USP44: variants seen among roughly 807,000 people sequenced by gnomAD.
USP44 encodes ubiquitin carboxyl-terminal hydrolase 44.
Under a neutral mutation model 69.0 loss-of-function variants are expected in USP44, and 61 were observed. That is an observed-to-expected ratio of 0.88 (90% confidence interval 0.72 to 1.09). USP44 has a LOEUF of 1.09. Among genes scored for constraint, USP44 ranks in the 50% least tolerant of loss-of-function variants. The probability of loss-of-function intolerance (pLI) is 0.00; values close to 1 mark genes in which losing one functional copy is unlikely to be tolerated. For synonymous variants in USP44, 297 were observed against 295.4 expected (o/e 1.01, Z -0.06); for missense variants, 753 against 849.9 (o/e 0.89, Z 1.42).
chr12:95,518,032 A>T lies in USP44; in HGVS notation c.*122T>A. 9.6e-7 allele frequency: 1 copy of T among 1,039,628 alleles called. No individual in the cohort carries two copies. Among genetic ancestry groups the T allele is most frequent in the South Asian group, 1.9e-5 (1 of 52,592 alleles). 64.4% of individuals were successfully genotyped at this position (1,039,628 alleles called of 1,614,324 possible). A position where few individuals can be genotyped will look rare whatever the true frequency, so the allele number is the denominator to read the frequency against. On this transcript the variant is annotated 3_prime_UTR_variant, in exon 6 of 6. Coordinates refer to ENST00000258499, the MANE Select transcript of USP44 (RefSeq NM_032147.5). The stretch of plus-strand genomic sequence containing the variant: ...ACTTTGTAAAAAAAAAAATTGTTAG[A>T]TATAAAATGTATAAATGTAGTATAC...
chr12:95,517,283 CTA>C lies in USP44; in HGVS notation c.*869_*870del, dbSNP rs902453181. ...CCTATAATTTTTTCTCTTCAAGACTCTATTCCTTTGAACTAAAAAAAATACAT... is the reference window on the plus strand; with the variant it reads ...CCTATAATTTTTTCTCTTCAAGACTCTTCCTTTGAACTAAAAAAAATACAT... On this transcript the variant is annotated 3_prime_UTR_variant, in exon 6 of 6. Transcript: ENST00000258499. The C allele has an allele frequency of 6.6e-5, 10 of 151,828 alleles. No homozygotes were observed. The highest frequency in any genetic ancestry group is 2.4e-4 in the African/African-American group (10 of 41,316). 9.4% of individuals were successfully genotyped at this position (151,828 alleles called of 1,614,324 possible). A position where few individuals can be genotyped will look rare whatever the true frequency, so the allele number is the denominator to read the frequency against.
rs1190222404 is a variant in USP44, at chr12:95,533,734, T to G, written c.523A>C (p.Lys175Gln). ...WFEQSPIGRK[K>Q]QEEPFQEKIV... ...TTTTCCTGAAATGGTTCTTCTTGCTTTTTTCTTCCAATGGGTGATTGTTCA... is the reference window on the plus strand; with the variant it reads ...TTTTCCTGAAATGGTTCTTCTTGCTGTTTTCTTCCAATGGGTGATTGTTCA... The change falls in exon 2 of 6, where the codon AAG becomes CAG. Residue 175 changes from lysine (K) to glutamine (Q), a missense_variant. Physicochemically the swap from Lys to Gln is moderately conservative, Grantham distance 53. Transcript: ENST00000258499. 6.2e-7 allele frequency: 1 copy of G among 1,614,074 alleles called. No individual in the cohort carries two copies. Among genetic ancestry groups the G allele is most frequent in the African/African-American group, 1.3e-5 (1 of 74,928 alleles).
chr12:95,528,130 C>T (rs1415735260), intron 3 of USP44, among the ~76,000 whole-genome samples: 7 of 152,220 alleles, frequency 4.6e-5, no homozygotes, highest in African/African-American at 1.7e-4. Context: ...TGAGCCACTG[C>T]ACCTGGCCGA....
At chr12:95,534,436 T>C in intron 1 of USP44, 110 bp from the exon 2 acceptor site, 1 of 591,542 alleles carries the variant, frequency 1.7e-6, no homozygotes, top group Non-Finnish European at 2.9e-6. Flanking sequence ...AGGCTGCTTA[T>C]CATAATACCA....
intron 1 of USP44, chr12:95,535,491 T>G (rs1005066076): frequency 2.1e-4 from 32 of 152,058 alleles, no homozygotes; most frequent in African/African-American, 7.7e-4. Flanking sequence ...CTCAGAAACA[T>G]ACAAGGAAAT....
At chr12:95,536,405 G>T (rs1337614810) in intron 1 of USP44, among the ~76,000 whole-genome samples, 2 of 152,000 alleles carry the variant, frequency 1.3e-5, no homozygotes, top group Admixed American at 6.6e-5. Context: ...ATTTCCAGAG[G>T]TTTAAAATCT....
chr12:95,522,876 A>C (rs2076712352), intron 4 of USP44, among the ~76,000 whole-genome samples: 1 of 151,954 alleles, frequency 6.6e-6, no homozygotes, highest in Admixed American at 6.6e-5. Context: ...GGCAAGTCAC[A>C]GGAAAGACCC....
At position 95,534,725 on chromosome 12, in the gene USP44, G is replaced by T. The variant is rs139272919; in HGVS notation, c.-70-399C>A. Among the ~76,000 whole-genome samples, 434 of 151,252 alleles carry T rather than the reference G, an allele frequency of 2.9e-3. 2 individuals carry two copies. The highest frequency in any genetic ancestry group is 2.3e-3 in the Non-Finnish European group (159 of 67,878). ...GAGTCTTGCTCTGTGGCCCAGGCTG[G>T]AGTGCAGTGGTGCGATCTCAGCTCA... On this transcript the variant is annotated intron_variant, in intron 1 of 5. Coordinates refer to ENST00000258499, the MANE Select transcript of USP44 (RefSeq NM_032147.5).
intron 1 of USP44, among the ~76,000 whole-genome samples, chr12:95,536,953 C>A (rs1014516311): frequency 6.6e-6 from 1 of 152,182 alleles, no homozygotes; most frequent in Non-Finnish European, 1.5e-5. Context: ...CATCCCCAAG[C>A]TTGCTTCTAG....
At chr12:95,534,898 C>A (rs2140305939) in intron 1 of USP44, among the ~76,000 whole-genome samples, 1 of 152,274 alleles carries the variant, frequency 6.6e-6, no homozygotes, top group South Asian at 2.1e-4. Context: ...CCAGGCTGGT[C>A]TTGAACTCCT....
At chr12:95,521,328 T>C (rs1592666950) in intron 4 of USP44, 126 bp from the exon 5 acceptor site, 4 of 860,482 alleles carry the variant, frequency 4.6e-6, no homozygotes, top group Admixed American at 2.3e-5. Context: ...TAATATAAAA[T>C]GATGTCAATG....
In USP44 at chr12:95,533,372, AAGTAAATGACTC is replaced by A. The variant is rs760630195; in HGVS notation, c.873_884del (p.Leu291_Leu295delinsPhe). On this transcript the variant is annotated inframe_deletion, in exon 2 of 6. Transcript: ENST00000258499. ...GCTTTAAAAAACATTGTCGAAAAAT[AAGTAAATGACTC>A]AACACCTGAAGAACAGAATTCATAT... 3.7e-6 allele frequency: 6 copies of A among 1,613,230 alleles called. No individual in the cohort carries two copies. In the South Asian group the frequency reaches 6.6e-5, roughly 18 times the overall value.
chr12:95,518,792 C>T (rs970504697), intron 5 of USP44, among the ~76,000 whole-genome samples: 1 of 151,936 alleles, frequency 6.6e-6, no homozygotes, highest in Non-Finnish European at 1.5e-5. Context: ...TACAAAAATT[C>T]GCCAGGCGTG....
chr12:95,518,463 C>T (rs2140190498), intron 5 of USP44, 110 bp from the exon 6 acceptor site: 3 of 1,096,764 alleles, frequency 2.7e-6, no homozygotes, highest in South Asian at 1.6e-5. Context: ...CTAGCCAATT[C>T]ATTTTTCTTT....
chr12:95,544,439 C>A (rs1451226480), intron 1 of USP44, among the ~76,000 whole-genome samples: 1 of 152,086 alleles, frequency 6.6e-6, no homozygotes, highest in Non-Finnish European at 1.5e-5. Flanking sequence ...GGAAAGAAAG[C>A]ATGGAAAGGG....
At chr12:95,526,464 C>T (rs999956185) in intron 3 of USP44, among the ~76,000 whole-genome samples, 4 of 151,846 alleles carry the variant, frequency 2.6e-5, no homozygotes, top group African/African-American at 9.7e-5. Context: ...CCCAGCTACT[C>T]GGGAGGCTGA....
At chr12:95,531,730 AG>A (rs2077026464) in intron 2 of USP44, among the ~76,000 whole-genome samples, 1 of 152,346 alleles carries the variant, frequency 6.6e-6, no homozygotes, top group South Asian at 2.1e-4. Context: ...TAAAAACAAA[AG>A]ATGGCCTTAT....
Position 95,534,633 on chromosome 12 carries a change from T to C in USP44, c.-70-307A>G, listed in dbSNP as rs75146665. On this transcript the variant is annotated intron_variant, in intron 1 of 5. Coordinates refer to ENST00000258499, the MANE Select transcript of USP44 (RefSeq NM_032147.5). ...CACTGAAATAGCTTAAGATCTATCCTTTTTTACCCAGTAGTCTGAGGGCAG... is the reference window on the plus strand; with the variant it reads ...CACTGAAATAGCTTAAGATCTATCCCTTTTTACCCAGTAGTCTGAGGGCAG... Among the ~76,000 whole-genome samples, 1,397 of 152,138 alleles carry C rather than the reference T, an allele frequency of 9.2e-3. 28 individuals carry two copies. The highest frequency in any genetic ancestry group is 0.032 in the African/African-American group (1,337 of 41,504).
intron 1 of USP44, among the ~76,000 whole-genome samples, chr12:95,544,094 G>T (rs549004238): frequency 8.9e-6 from 1 of 112,918 alleles, no homozygotes; most frequent in African/African-American, 3.6e-5. Flanking sequence ...TCGCTCTGTC[G>T]CCCAGGTTGG....
Sources: allele counts gnomAD v4.1 joint callset (sites outside exome capture counted in the v4.1 genomes callset), GRCh38; gene constraint gnomAD v4.1.1; transcripts MANE v1.5; gene names NCBI Gene and HGNC (gene_info 2026-07-23, HGNC 2026-07-21).